The following ZNF101 variants were observed in gnomAD, a reference collection of about 807,000 sequenced individuals.
ZNF101 encodes zinc finger protein 101 (Y2).
A neutral mutation model predicts 42.6 loss-of-function variants in ZNF101; 34 were observed. That is an observed-to-expected ratio of 0.80 (90% CI 0.61 to 1.06). The LOEUF (loss-of-function observed/expected upper bound fraction) is 1.06. Among genes scored for constraint, ZNF101 ranks in the 50% least tolerant of loss-of-function variants. The pLI, the probability that ZNF101 is intolerant of heterozygous loss-of-function variation, is 0.00. For synonymous variants in ZNF101, 158 were observed against 183.9 expected (o/e 0.86, Z 1.14); for missense variants, 466 against 530.9 (o/e 0.88, Z 1.20).
Position 19,680,472 on chromosome 19 carries a change from A to T in ZNF101, c.*172A>T, listed in dbSNP as rs573747353. 5.4e-6 allele frequency: 2 copies of T among 371,188 alleles called. No individual in the cohort carries two copies. The highest frequency in any genetic ancestry group is 9.6e-6 in the Non-Finnish European group (2 of 208,490). The allele number at this position is 371,188 out of a possible 1,614,324, so 23.0% of individuals were successfully genotyped here. ...TCTCTACTAAAAATACAAAAAAATT[A>T]ACTGGGCATGGTGGTGGGCACCTGT... is the stretch of plus-strand genomic sequence containing the variant. On this transcript the variant is annotated 3_prime_UTR_variant, in exon 4 of 4. Coordinates refer to ENST00000592502, the MANE Select transcript of ZNF101 (RefSeq NM_033204.4).
At chr19:19,678,324 G>A (rs913746403) in intron 2 of ZNF101, among the ~76,000 whole-genome samples, 4 of 151,868 alleles carry the variant, frequency 2.6e-5, no homozygotes, top group African/African-American at 9.7e-5. Context: ...GTTGAGAAAT[G>A]CAGAAGTATT....
intron 2 of ZNF101, among the ~76,000 whole-genome samples, chr19:19,678,199 C>T (rs2062214445): frequency 6.7e-6 from 1 of 149,762 alleles, no homozygotes; most frequent in African/African-American, 2.5e-5. Context: ...TGAGACCAGC[C>T]TGGGCAACAT....
intron 1 of ZNF101, chr19:19,672,499 AC>A (rs2062176824): frequency 6.7e-6 from 1 of 149,444 alleles, no homozygotes; most frequent in South Asian, 2.1e-4. Flanking sequence ...ACAGGCGTGA[AC>A]CATCACATTC....
chr19:19,680,429 C>T lies in ZNF101; in HGVS notation c.*129C>T. On this transcript the variant is annotated 3_prime_UTR_variant, in exon 4 of 4. Coordinates refer to ENST00000592502, the MANE Select transcript of ZNF101 (RefSeq NM_033204.4). ...GTCAGGAGTTCAAGACTAGCCTGGC[C>T]AACATGGTGAAACCCCGTCTCTACT... 3 of 465,370 alleles carry T rather than the reference C, an allele frequency of 6.4e-6. No homozygotes were observed. The highest frequency in any genetic ancestry group is 7.4e-6 in the Non-Finnish European group (2 of 270,956). The allele number at this position is 465,370 out of a possible 1,614,324, so 28.8% of individuals were successfully genotyped here. A position where few individuals can be genotyped will look rare whatever the true frequency, so the allele number is the denominator to read the frequency against.
intron 1 of ZNF101, among the ~76,000 whole-genome samples, chr19:19,672,841 T>C (rs1456460509): frequency 3.3e-5 from 5 of 152,034 alleles, no homozygotes; most frequent in Non-Finnish European, 7.4e-5. Context: ...TTTTTATTTC[T>C]GAAAAAAGAA....
At chr19:19,670,643 G>T (rs1474384849) in intron 1 of ZNF101, among the ~76,000 whole-genome samples, 1 of 152,124 alleles carries the variant, frequency 6.6e-6, no homozygotes, top group Admixed American at 6.6e-5. Flanking sequence ...TGTAGTCTCA[G>T]CTACTCAGGA....
intron 1 of ZNF101, among the ~76,000 whole-genome samples, chr19:19,671,223 ACT>A (rs139850765): frequency 0.019 from 2,938 of 152,216 alleles, 47 homozygotes; most frequent in South Asian, 0.046. Context: ...ATGGTGGATA[ACT>A]CTGTTCTGTT....
chr19:19,680,166 C>A lies in ZNF101; in HGVS notation c.1177C>A (p.Pro393Thr). 1 of 1,611,670 alleles carries A rather than the reference C, an allele frequency of 6.2e-7. No homozygotes were observed. Among genetic ancestry groups the A allele is most frequent in the African/African-American group, 1.3e-5 (1 of 74,822 alleles). The change falls in exon 4 of 4, where the codon CCC becomes ACC. Residue 393 changes from proline (P) to threonine (T), a missense_variant. Physicochemically the swap from Pro to Thr is conservative, Grantham distance 38. Transcript: ENST00000592502. ...TGAAATGACTCACACTGGAGAAAAA[C>A]CCTTTGATTGTAAACAGTGTGGTAA... ...RHEMTHTGEK[P>T]FDCKQCGKVF...
chr19:19,679,624 T>C lies in ZNF101; in HGVS notation c.635T>C (p.Phe212Ser). The C allele has an allele frequency of 6.2e-7, 1 of 1,612,848 alleles. No individual in the cohort carries two copies. The highest frequency in any genetic ancestry group is 8.5e-7 in the Non-Finnish European group (1 of 1,179,286). The change falls in exon 4 of 4, where the codon TTT becomes TCT. Residue 212 changes from phenylalanine (F) to serine (S), a missense_variant. Coordinates refer to ENST00000592502, the MANE Select transcript of ZNF101 (RefSeq NM_033204.4). ...AGAGCCTTCACAGTTTCCAGTTTCT[T>C]TCGAAAACATGGAAAAATGCATACT... ...IVRAFTVSSF[F>S]RKHGKMHTGE... is the part of the protein sequence containing the mutation.
At chr19:19,675,409 A>T (rs971434607) in intron 1 of ZNF101, among the ~76,000 whole-genome samples, 2 of 150,170 alleles carry the variant, frequency 1.3e-5, no homozygotes, top group Non-Finnish European at 3.0e-5. Context: ...AAGTGCTGGG[A>T]TTACAGGCAT....
chr19:19,669,664 G>A (rs923161643), intron 1 of ZNF101, among the ~76,000 whole-genome samples: 3 of 151,926 alleles, frequency 2.0e-5, no homozygotes, highest in Non-Finnish European at 4.4e-5. Flanking sequence ...CGGCTAACTT[G>A]TATTTTCAGT....
Position 19,679,717 on chromosome 19 carries a change from A to G in ZNF101, c.728A>G (p.His243Arg). 1.2e-6 allele frequency: 2 copies of G among 1,614,186 alleles called. No homozygotes were observed. Among genetic ancestry groups the G allele is most frequent in the Non-Finnish European group, 8.5e-7 (1 of 1,180,014 alleles). ...GATTATCCCAGTTTATTTCAAATTC[A>G]TGTTAGAACTCACACTGGAGAAAAA... ...PIDYPSLFQI[H>R]VRTHTGEKPY... Residue 243 changes from histidine to arginine, a missense_variant, in exon 4 of 4, where the codon CAT (histidine) becomes CGT (arginine). Physicochemically the swap from His to Arg is conservative, Grantham distance 29 (BLOSUM62 0). Transcript: ENST00000592502.
In ZNF101 at chr19:19,680,246, G is replaced by A. The variant is rs2062232073; in HGVS notation, c.1257G>A (p.Gly419=). The change falls in exon 4 of 4, where the codon GGG becomes GGA. Residue 419 remains glycine, a synonymous_variant. Coordinates refer to ENST00000592502, the MANE Select transcript of ZNF101 (RefSeq NM_033204.4). ...LRLHERTHLA[G]RSQCFGRRQG... is the part of the protein sequence containing the mutation. ...TTCATGAAAGAACTCATTTGGCCGG[G>A]CGTAGCCAGTGCTTTGGCAGGAGGC... 2 of 1,557,124 alleles carry A rather than the reference G, an allele frequency of 1.3e-6. No homozygotes were observed. The highest frequency in any genetic ancestry group is 4.5e-5 in the East Asian group (2 of 44,464).
chr19:19,670,598 A>G (rs961630691), intron 1 of ZNF101, among the ~76,000 whole-genome samples: 1 of 152,030 alleles, frequency 6.6e-6, no homozygotes, highest in African/African-American at 2.4e-5. Flanking sequence ...TTCTACAACA[A>G]ATACAAAAAT....
At position 19,682,653 on chromosome 19, in the gene ZNF101, A is replaced by G. The variant is rs1466110474; in HGVS notation, c.*2353A>G. The G allele has an allele frequency of 6.6e-6, 1 of 152,158 alleles. No homozygotes were observed. The highest frequency in any genetic ancestry group is 1.5e-5 in the Non-Finnish European group (1 of 68,028). The allele number at this position is 152,158 out of a possible 1,614,324, so 9.4% of individuals were successfully genotyped here. A position where few individuals can be genotyped will look rare whatever the true frequency, so the allele number is the denominator to read the frequency against. Reference sequence around the variant, plus strand: ...GTGTTTTTATCCTAAGTTAGTTAATAAAATTTTTTTCTATCCATTTTGGTT... The same window carrying G: ...GTGTTTTTATCCTAAGTTAGTTAATGAAATTTTTTTCTATCCATTTTGGTT... On this transcript the variant is annotated 3_prime_UTR_variant, in exon 4 of 4. Transcript: ENST00000592502.
In ZNF101 at chr19:19,679,665, G is replaced by A; in HGVS notation, c.676G>A (p.Glu226Lys). ...GKMHTGEKRYECKYCGKPIDY... is the reference protein window; with the variant it reads ...GKMHTGEKRYKCKYCGKPIDY... ...AATGCATACTGGAGAAAAACGCTAT[G>A]AATGTAAATACTGTGGAAAACCTAT... The change falls in exon 4 of 4, where the codon GAA (glutamate) becomes AAA (lysine). Residue 226 changes from glutamate to lysine, a missense_variant. Physicochemically the swap from Glu to Lys is moderately conservative, Grantham distance 56. Transcript: ENST00000592502. The A allele has an allele frequency of 1.2e-6, 2 of 1,613,804 alleles. No homozygotes were observed. The highest frequency in any genetic ancestry group is 1.7e-6 in the Non-Finnish European group (2 of 1,179,838).
rs753242249 is a variant in ZNF101, at chr19:19,680,064, A to C, written c.1075A>C (p.Thr359Pro). 1 of 1,613,990 alleles carries C rather than the reference A, an allele frequency of 6.2e-7. No individual in the cohort carries two copies. Among genetic ancestry groups the C allele is most frequent in the Non-Finnish European group, 8.5e-7 (1 of 1,179,922 alleles). ...CAGTTGTTTTCGAAGACATAAAAAA[A>C]CTCATAGTGGAGAAAAGCCATATGA... ...YPSCFRRHKK[T>P]HSGEKPYECT... Residue 359 changes from threonine (T) to proline (P), a missense_variant, in exon 4 of 4, where the codon ACT becomes CCT. Coordinates refer to ENST00000592502, the MANE Select transcript of ZNF101 (RefSeq NM_033204.4).
intron 1 of ZNF101, among the ~76,000 whole-genome samples, chr19:19,669,249 C>G (rs1264578487): frequency 6.6e-6 from 1 of 152,186 alleles, no homozygotes; most frequent in East Asian, 1.9e-4. Flanking sequence ...TAGGGGGAAT[C>G]CCGCCTCGGG....
Position 19,679,386 on chromosome 19 carries a change from G to T in ZNF101, c.397G>T (p.Gly133Cys), listed in dbSNP as rs200536821. Residue 133 changes from glycine (G) to cysteine (C), a missense_variant, in exon 4 of 4, where the codon GGT (glycine) becomes TGT (cysteine). By Grantham distance (159) the Gly-to-Cys change is radical. Transcript: ENST00000592502. ...TGCTGGACACAAACGATCTGAGTGT[G>T]GTGGGGAATGGAGAGAGACGCCCCG... The part of the protein sequence containing the change: ...AHAGHKRSEC[G>C]GEWRETPRKQ... 3 of 1,614,100 alleles carry T rather than the reference G, an allele frequency of 1.9e-6. No individual in the cohort carries two copies. Among genetic ancestry groups the T allele is most frequent in the Non-Finnish European group, 2.5e-6 (3 of 1,180,014 alleles).
Sources: allele counts gnomAD v4.1 joint callset (sites outside exome capture counted in the v4.1 genomes callset), GRCh38; gene constraint gnomAD v4.1.1; transcripts MANE v1.5; gene names NCBI Gene and HGNC (gene_info 2026-07-23, HGNC 2026-07-21).